COBLL1: variants seen among roughly 807,000 people sequenced by gnomAD.
COBLL1 encodes the protein cordon-bleu protein-like 1.
In COBLL1, 50 loss-of-function variants were observed where a neutral mutation model predicts 94.8. The ratio of observed to expected loss-of-function variants is 0.53; its 90% CI spans 0.42 to 0.67. The LOEUF is 0.67. Among genes scored for constraint, COBLL1 ranks in the 30% least tolerant of loss-of-function variants. The probability of loss-of-function intolerance (pLI) is 0.00; values close to 1 mark genes in which losing one functional copy is unlikely to be tolerated. For missense variants in COBLL1, 1,362 were observed against 1,348.7 expected, an observed-to-expected ratio of 1.01 and a Z score of -0.15; for synonymous variants, 448 against 473.8, an observed-to-expected ratio of 0.95 and a Z score of 0.71.
chr2:164,703,894 C>T (rs551562658), intron 9 of COBLL1, among the ~76,000 whole-genome samples: 2 of 152,204 alleles, frequency 1.3e-5, no homozygotes, highest in African/African-American at 4.8e-5. Context: ...ATTAAAAACA[C>T]TGGAAAAGTA....
chr2:164,711,943 C>T (rs996871147), intron 7 of COBLL1, among the ~76,000 whole-genome samples: 5 of 152,168 alleles, frequency 3.3e-5, no homozygotes, highest in African/African-American at 9.6e-5. Context: ...AACAGGAATG[C>T]ACATCACTGA....
chr2:164,795,405 TA>T (rs1337378140), intron 2 of COBLL1, among the ~76,000 whole-genome samples: 1 of 152,198 alleles, frequency 6.6e-6, no homozygotes, highest in Non-Finnish European at 1.5e-5. Flanking sequence ...AAATATCAAT[TA>T]AAAACATGTT....
At chr2:164,698,834 C>A (rs1369703127) in intron 11 of COBLL1, among the ~76,000 whole-genome samples, 1 of 151,714 alleles carries the variant, frequency 6.6e-6, no homozygotes, top group African/African-American at 2.4e-5. Flanking sequence ...GTCTTTCAGA[C>A]AAAGACAACA....
At chr2:164,818,183 T>C (rs11899722) in intron 2 of COBLL1, among the ~76,000 whole-genome samples, 34,246 of 149,902 alleles carry the variant, frequency 0.23, 4,279 homozygotes, top group African/African-American at 0.34. Flanking sequence ...CGTATACACG[T>C]ATATATACGT....
chr2:164,789,483 T>A (rs1233093597), intron 2 of COBLL1, among the ~76,000 whole-genome samples: 1 of 152,108 alleles, frequency 6.6e-6, no homozygotes, highest in African/African-American at 2.4e-5. Context: ...GGAGAGTGAA[T>A]ATCTTCAAAG....
At position 164,743,697 on chromosome 2, in the gene COBLL1, C is replaced by T; in HGVS notation, c.220G>A (p.Val74Ile). ...TTTACTCCAGCGTACCTGCCATGAA[C>T]AGTAGTAGATTTGATAATATCCCCA... ...LPGDIIKSTT[V>I]HGSKPMMDLL... The change falls in exon 3 of 14, where the codon GTT (valine) becomes ATT (isoleucine). Residue 74 changes from valine (V) to isoleucine (I), a missense_variant. Transcript: ENST00000652658. 2 of 1,612,792 alleles carry T rather than the reference C, an allele frequency of 1.2e-6. No homozygotes were observed. The highest frequency in any genetic ancestry group is 2.7e-5 in the African/African-American group (2 of 74,934).
intron 2 of COBLL1, among the ~76,000 whole-genome samples, chr2:164,814,323 A>G (rs1449318522): frequency 6.6e-6 from 1 of 152,138 alleles, no homozygotes; most frequent in African/African-American, 2.4e-5. Flanking sequence ...CCTAGCATCT[A>G]ATAAGGTCTT....
chr2:164,816,474 G>A (rs1684755129), intron 2 of COBLL1, among the ~76,000 whole-genome samples: 1 of 152,132 alleles, frequency 6.6e-6, no homozygotes, highest in Admixed American at 6.6e-5. Flanking sequence ...AGCTTGATAG[G>A]AATTGACCGG....
intron 2 of COBLL1, among the ~76,000 whole-genome samples, chr2:164,811,210 T>C (rs1684441766): frequency 6.6e-6 from 1 of 151,906 alleles, no homozygotes; most frequent in Admixed American, 6.6e-5. Flanking sequence ...TTACAGGATA[T>C]GATGAAAATA....
intron 3 of COBLL1, among the ~76,000 whole-genome samples, chr2:164,737,862 G>C (rs1005311957): frequency 6.6e-6 from 1 of 152,110 alleles, no homozygotes; most frequent in Non-Finnish European, 1.5e-5. Context: ...GCAAAACCGC[G>C]GGCTTAGGCT....
At chr2:164,833,519 C>T (rs1451650722) in intron 2 of COBLL1, among the ~76,000 whole-genome samples, 2 of 151,500 alleles carry the variant, frequency 1.3e-5, no homozygotes, top group Non-Finnish European at 2.9e-5. Flanking sequence ...GGCGTTATCC[C>T]GGCTCACTGC....
intron 2 of COBLL1, among the ~76,000 whole-genome samples, chr2:164,811,539 A>G (rs1429639123): frequency 6.6e-6 from 1 of 151,972 alleles, no homozygotes; most frequent in Non-Finnish European, 1.5e-5. Flanking sequence ...AAGAGCTAGA[A>G]TTCCATTATC....
chr2:164,704,529 G>A lies in COBLL1; in HGVS notation c.1151-11C>T. On this transcript the variant is annotated splice_polypyrimidine_tract_variant and intron_variant, in intron 8 of 13. Coordinates refer to ENST00000652658, the MANE Select transcript of COBLL1 (RefSeq NM_001365672.2). The stretch of plus-strand genomic sequence containing the variant: ...CTACTGGCTGTAAGGCTAAAGGAAA[G>A]AAGCAACACAACTTATAAAGTCATA... The A allele has an allele frequency of 6.3e-7, 1 of 1,599,812 alleles. No homozygotes were observed. Among genetic ancestry groups the A allele is most frequent in the East Asian group, 2.2e-5 (1 of 44,778 alleles).
intron 2 of COBLL1, among the ~76,000 whole-genome samples, chr2:164,781,509 C>A (rs1688723113): frequency 6.6e-6 from 1 of 152,176 alleles, no homozygotes; most frequent in South Asian, 2.1e-4. Context: ...TTGTAAAGTG[C>A]TGCTGAGGTG....
intron 2 of COBLL1, among the ~76,000 whole-genome samples, chr2:164,790,302 A>G (rs1188048825): frequency 6.6e-6 from 1 of 152,072 alleles, no homozygotes; most frequent in Non-Finnish European, 1.5e-5. Flanking sequence ...CCTATCTAGG[A>G]TGGCTTCCTG....
At chr2:164,737,995 C>T (rs1386483677) in intron 3 of COBLL1, among the ~76,000 whole-genome samples, 2 of 152,186 alleles carry the variant, frequency 1.3e-5, no homozygotes, top group African/African-American at 4.8e-5. Flanking sequence ...TGAGATCACA[C>T]AGCAAGTCTA....
intron 2 of COBLL1, among the ~76,000 whole-genome samples, chr2:164,768,689 A>C (rs573496281): frequency 2.6e-5 from 4 of 152,282 alleles, no homozygotes; most frequent in African/African-American, 7.2e-5. Context: ...GATAAAAAGA[A>C]ATTTTAAAAA....
chr2:164,840,294 G>GA (rs915940926), intron 2 of COBLL1, among the ~76,000 whole-genome samples: 8 of 151,796 alleles, frequency 5.3e-5, no homozygotes, highest in Non-Finnish European at 4.4e-5. Context: ...ATGCTGGGGG[G>GA]AAAAATCTTG....
At chr2:164,658,762 A>G (rs746055747) in intron 2 of COBLL1, among the ~76,000 whole-genome samples, 1 of 152,192 alleles carries the variant, frequency 6.6e-6, no homozygotes, top group Non-Finnish European at 1.5e-5. Flanking sequence ...GTGGCTAGCC[A>G]TCCTGAGGGG....
Sources: gnomAD v4.1 joint callset for allele counts (sites outside exome capture counted in the v4.1 genomes callset) on GRCh38, gnomAD v4.1.1 for gene constraint, MANE v1.5 for transcripts, NCBI Gene and HGNC (gene_info 2026-07-23, HGNC 2026-07-21) for gene names.